ARIH1: variants seen among roughly 807,000 people sequenced by gnomAD.
ARIH1 encodes E3 ubiquitin-protein ligase ARIH1.
In ARIH1, 8 loss-of-function variants were observed where a neutral mutation model predicts 85.0. That is an observed-to-expected ratio of 0.09 (90% confidence interval 0.06 to 0.17). ARIH1 has a LOEUF of 0.17. Ranked by LOEUF, ARIH1 falls within the 10% of genes least tolerant of loss-of-function variation. ARIH1 has a pLI of 1.00. For missense variants in ARIH1, 311 were observed against 718.1 expected (o/e 0.43, Z 6.48); for synonymous variants, 238 against 253.6 (o/e 0.94, Z 0.59).
At chr15:72,531,259 A>G in intron 2 of ARIH1, among the ~76,000 whole-genome samples, 1 of 140,748 alleles carries the variant, frequency 7.1e-6, no homozygotes. Context: ...CCACATTTTT[A>G]TTTATTTATT....
chr15:72,479,189 T>A lies in ARIH1; in HGVS notation c.375+4175T>A, dbSNP rs562438780. ...CACTGCAGCATTTTGGATTTCGGATTTTCAGATTAGGGATGTTGATTGTAA... is the reference window on the plus strand; with the variant it reads ...CACTGCAGCATTTTGGATTTCGGATATTCAGATTAGGGATGTTGATTGTAA... On this transcript the variant is annotated intron_variant, in intron 1 of 13. Transcript: ENST00000379887. Among the ~76,000 whole-genome samples the A allele has an allele frequency of 4.6e-5, 7 of 152,280 alleles. No individual in the cohort carries two copies. The East Asian group carries it at 5.8e-4, about 13-fold the overall frequency.
chr15:72,513,610 A>G (rs568952455), intron 1 of ARIH1, among the ~76,000 whole-genome samples: 2 of 150,748 alleles, frequency 1.3e-5, no homozygotes, highest in South Asian at 2.1e-4. Context: ...GTTTACCCCC[A>G]TATCATTTCC....
intron 1 of ARIH1, among the ~76,000 whole-genome samples, chr15:72,487,807 C>T (rs1179164056): frequency 2.0e-5 from 3 of 152,152 alleles, no homozygotes; most frequent in East Asian, 1.9e-4. Flanking sequence ...CATCCTCCTG[C>T]TAAAAAGAGA....
At chr15:72,522,520 G>GA (rs1225919777) in intron 2 of ARIH1, among the ~76,000 whole-genome samples, 3 of 150,906 alleles carry the variant, frequency 2.0e-5, no homozygotes, top group Non-Finnish European at 4.4e-5. Flanking sequence ...ACTCTGTCTC[G>GA]AAAAAAAGAA....
At chr15:72,502,989 C>T (rs2063909911) in intron 1 of ARIH1, among the ~76,000 whole-genome samples, 1 of 152,106 alleles carries the variant, frequency 6.6e-6, no homozygotes, top group South Asian at 2.1e-4. Flanking sequence ...GTTTGATGAT[C>T]AGTGTTTAGT....
intron 12 of ARIH1, chr15:72,581,407 T>TA (rs2064294704): frequency 6.1e-6 from 1 of 163,532 alleles, no homozygotes; most frequent in Non-Finnish European, 1.3e-5. Context: ...TGGAACATCA[T>TA]AAGTTCTCAA....
At chr15:72,553,157 A>G (rs1365981211) in intron 3 of ARIH1, among the ~76,000 whole-genome samples, 2 of 151,188 alleles carry the variant, frequency 1.3e-5, no homozygotes, top group East Asian at 3.9e-4. Context: ...TAACTTACTC[A>G]ATTAAAAATA....
intron 2 of ARIH1, among the ~76,000 whole-genome samples, chr15:72,526,300 C>A (rs1234578216): frequency 6.6e-6 from 1 of 152,062 alleles, no homozygotes; most frequent in Non-Finnish European, 1.5e-5. Context: ...AGGGAGGTGC[C>A]CATGGTCCCC....
At chr15:72,512,517 TC>T (rs1367161188) in intron 1 of ARIH1, among the ~76,000 whole-genome samples, 2 of 151,472 alleles carry the variant, frequency 1.3e-5, no homozygotes, top group Non-Finnish European at 2.9e-5. Context: ...TCGGTTTTTT[TC>T]TTTTTTTTTT....
At chr15:72,520,118 T>A (rs901122175) in intron 2 of ARIH1, among the ~76,000 whole-genome samples, 4 of 152,164 alleles carry the variant, frequency 2.6e-5, no homozygotes, top group African/African-American at 9.7e-5. Flanking sequence ...CCTTAAACTG[T>A]CTAAAAAAAT....
chr15:72,595,339 C>T lies in ARIH1; in HGVS notation c.*12047C>T, dbSNP rs2064359491. The T allele has an allele frequency of 6.6e-6, 1 of 152,132 alleles. No homozygotes were observed. Among genetic ancestry groups the T allele is most frequent in the African/African-American group, 2.4e-5 (1 of 41,390 alleles). 9.4% of individuals were successfully genotyped at this position (152,132 alleles called of 1,614,324 possible). A position where few individuals can be genotyped will look rare whatever the true frequency, so the allele number is the denominator to read the frequency against. ...GGAATACAGGTGCATGTCACCACACCAGGCAAATTTAAGAAATTTTTTGTA... is the reference window on the plus strand; with the variant it reads ...GGAATACAGGTGCATGTCACCACACTAGGCAAATTTAAGAAATTTTTTGTA... On this transcript the variant is annotated 3_prime_UTR_variant, in exon 14 of 14. Coordinates refer to ENST00000379887, the MANE Select transcript of ARIH1 (RefSeq NM_005744.5).
At chr15:72,562,638 A>G (rs1416013053) in intron 6 of ARIH1, among the ~76,000 whole-genome samples, 1 of 147,162 alleles carries the variant, frequency 6.8e-6, no homozygotes, top group Non-Finnish European at 1.5e-5. Flanking sequence ...AGAGCTTTTT[A>G]TGGGAGAAGT....
At chr15:72,479,735 T>G (rs946075639) in intron 1 of ARIH1, among the ~76,000 whole-genome samples, 3 of 151,864 alleles carry the variant, frequency 2.0e-5, no homozygotes. Context: ...AAAAAATATC[T>G]AAGCCTTACT....
At chr15:72,553,278 T>C (rs2064160737) in intron 3 of ARIH1, among the ~76,000 whole-genome samples, 1 of 152,236 alleles carries the variant, frequency 6.6e-6, no homozygotes, top group Non-Finnish European at 1.5e-5. Context: ...AAGTATTTAC[T>C]TAATGTCCCA....
rs952003549 is a variant in ARIH1 at position 72,596,513 on chromosome 15, T to C, written c.*13221T>C. ...AATATTGGTTCTTTCTTGGCCGTTA[T>C]CCGTTTACATTTTTCTCTTGTCTCA... On this transcript the variant is annotated 3_prime_UTR_variant, in exon 14 of 14. Coordinates refer to ENST00000379887, the MANE Select transcript of ARIH1 (RefSeq NM_005744.5). 2.0e-5 allele frequency: 3 copies of C among 152,298 alleles called. No homozygotes were observed. Among genetic ancestry groups the C allele is most frequent in the South Asian group, 4.1e-4 (2 of 4,832 alleles). The allele number at this position is 152,298 out of a possible 1,614,324, so 9.4% of individuals were successfully genotyped here.
Position 72,474,865 on chromosome 15 carries a change from C to A in ARIH1, c.226C>A (p.Pro76Thr), listed in dbSNP as rs767341707. ...CGGTGGCGGCGGCAGCGCTCTGGGG[C>A]CCGGCGGTGGCGGCGGCGGCGGCGG... The part of the protein sequence containing the change: ...TGGGGGSALG[P>T]GGGGGGGGGG... Residue 76 changes from proline to threonine, a missense_variant, in exon 1 of 14, where the codon CCC (proline) becomes ACC (threonine). Physicochemically the swap from Pro to Thr is conservative, Grantham distance 38 (BLOSUM62 -1). Transcript: ENST00000379887. The A allele has an allele frequency of 7.0e-7, 1 of 1,420,274 alleles. No homozygotes were observed. Among genetic ancestry groups the A allele is most frequent in the South Asian group, 1.6e-5 (1 of 63,426 alleles). The allele number at this position is 1,420,274 out of a possible 1,614,324, so 88.0% of individuals were successfully genotyped here.
chr15:72,497,764 G>A (rs2063885762), intron 1 of ARIH1, among the ~76,000 whole-genome samples: 1 of 152,128 alleles, frequency 6.6e-6, no homozygotes, highest in Admixed American at 6.5e-5. Flanking sequence ...CTTCCCAAAT[G>A]AAAAGTCAGA....
chr15:72,575,033 G>A (rs2064264316), intron 11 of ARIH1, among the ~76,000 whole-genome samples: 1 of 151,568 alleles, frequency 6.6e-6, no homozygotes. Flanking sequence ...AGGAGTTCCA[G>A]GCTGCAGTGA....
chr15:72,479,730 A>G (rs2063807831), intron 1 of ARIH1, among the ~76,000 whole-genome samples: 1 of 151,524 alleles, frequency 6.6e-6, no homozygotes, highest in Non-Finnish European at 1.5e-5. Flanking sequence ...AAAGAAAAAA[A>G]TATCTAAGCC....
Sources: gnomAD v4.1 joint callset for allele counts (sites outside exome capture counted in the v4.1 genomes callset) on GRCh38, gnomAD v4.1.1 for gene constraint, MANE v1.5 for transcripts, NCBI Gene and HGNC (gene_info 2026-07-23, HGNC 2026-07-21) for gene names.